The following AHCY variants were observed in gnomAD, a reference collection of about 807,000 sequenced individuals.
The protein encoded by AHCY is S-adenosyl-L-homocysteine hydrolase.
In AHCY, 24 loss-of-function variants were observed where a neutral mutation model predicts 45.4. The observed-to-expected ratio is 0.53, with a 90% confidence interval of 0.38 to 0.74. AHCY has a LOEUF of 0.74. AHCY is among the 30% of genes least tolerant of loss of function. AHCY has a pLI of 0.00. For missense variants in AHCY, 449 were observed against 594.1 expected, an observed-to-expected ratio of 0.76 and a Z score of 2.54; for synonymous variants, 245 against 235.1, an observed-to-expected ratio of 1.04 and a Z score of -0.39.
chr20:34,258,690 T>TATATATATATATATATACACAC, the AHCY span, among the ~76,000 whole-genome samples: 2 of 72,306 alleles, frequency 2.8e-5, no homozygotes, highest in African/African-American at 1.5e-4. Flanking sequence ...TATATATATA[T>TATATATATATATATATACACAC]ACATACTATA....
chr20:34,275,201 C>T, the AHCY span, among the ~76,000 whole-genome samples: 7 of 150,754 alleles, frequency 4.6e-5, no homozygotes, highest in Non-Finnish European at 8.9e-5. Flanking sequence ...GGCTTGATCT[C>T]CGCTCACTGC....
At chr20:34,237,759 A>C in the AHCY span, among the ~76,000 whole-genome samples, 7 of 152,086 alleles carry the variant, frequency 4.6e-5, no homozygotes, top group African/African-American at 1.7e-4. Flanking sequence ...TCATTCTTTC[A>C]TCATTGTGTA....
At chr20:34,247,673 AAC>A in the AHCY span, among the ~76,000 whole-genome samples, 17 of 151,730 alleles carry the variant, frequency 1.1e-4, no homozygotes, top group Non-Finnish European at 2.5e-4. Flanking sequence ...CAGTGGCACA[AAC>A]ACAGCTCACT....
At chr20:34,258,700 A>ATATATATATATACACACACACACATAC in the AHCY span, among the ~76,000 whole-genome samples, 1 of 77,922 alleles carries the variant, frequency 1.3e-5, no homozygotes, top group East Asian at 5.2e-4. Flanking sequence ...TACATACTAT[A>ATATATATATATACACACACACACATAC]TATATATATT....
chr20:34,241,926 T>G, the AHCY span, among the ~76,000 whole-genome samples: 12 of 152,346 alleles, frequency 7.9e-5, no homozygotes, highest in South Asian at 2.3e-3. Context: ...TCATTTCATA[T>G]TTATTAGAGA....
intron 1 of AHCY, 93 bp downstream of exon 1, chr20:34,303,150 A>C: frequency 6.5e-7 from 1 of 1,539,362 alleles, no homozygotes; most frequent in South Asian, 1.2e-5. Context: ...CAGGGGGTCC[A>C]GAGAGCCCCG....
upstream of AHCY, among the ~76,000 whole-genome samples, chr20:34,304,525 A>ATT (rs564670743): frequency 1.8e-4 from 25 of 142,148 alleles, no homozygotes; most frequent in Admixed American, 2.1e-4. Context: ...TTTCCCCTGA[A>ATT]TTTTTTTTTT....
At chr20:34,306,712 A>G (rs567346810), upstream of AHCY, among the ~76,000 whole-genome samples, 2 of 152,232 alleles carry the variant, frequency 1.3e-5, no homozygotes, top group Non-Finnish European at 2.9e-5. Context: ...TGGTACAGCC[A>G]TACCATGAAA....
intron 1 of AHCY, chr20:34,301,739 G>A (rs919069243): frequency 2.3e-6 from 2 of 855,568 alleles, no homozygotes; most frequent in Non-Finnish European, 2.8e-6. Context: ...CTCTACTATT[G>A]ATGTGACCTT....
chr20:34,280,647 G>A lies in AHCY; in HGVS notation c.*387C>T. On this transcript the variant is annotated 3_prime_UTR_variant, in exon 10 of 10. Transcript: ENST00000217426. ...ATCTGTCATGGGCTGAAGAACCACT[G>A]GACCTGTAAACCAAGCACACAGGTA... 9.4e-6 allele frequency: 3 copies of A among 320,438 alleles called. No homozygotes were observed. Among genetic ancestry groups the A allele is most frequent in the South Asian group, 8.8e-5 (3 of 34,204 alleles). 19.8% of individuals were successfully genotyped at this position (320,438 alleles called of 1,614,324 possible). A position where few individuals can be genotyped will look rare whatever the true frequency, so the allele number is the denominator to read the frequency against.
the AHCY span, chr20:34,268,863 GGCGGT>G: frequency 8.5e-7 from 1 of 1,179,490 alleles, no homozygotes; most frequent in Non-Finnish European, 1.2e-6. Context: ...GCGGGCGGTG[GGCGGT>G]GGGCAAGCCA....
chr20:34,265,071 C>T, the AHCY span, among the ~76,000 whole-genome samples: 1 of 151,996 alleles, frequency 6.6e-6, no homozygotes, highest in African/African-American at 2.4e-5. Context: ...CTGGGATTAC[C>T]TGCATTAGCC....
chr20:34,292,461 A>G lies in AHCY; in HGVS notation c.342T>C (p.Ile114=), dbSNP rs1490138765. The G allele has an allele frequency of 6.2e-7, 1 of 1,614,140 alleles. No individual in the cohort carries two copies. Residue 114 remains isoleucine, a synonymous_variant, in exon 4 of 10, where the codon ATT becomes ATC. Transcript: ENST00000217426. ...GETDEEYLWC[I]EQTLYFKDGP... ...CGTCCTTGAAGTACAGGGTCTGCTCAATGCACCACAGGTACTCCTCGTCCG... is the reference window on the plus strand; with the variant it reads ...CGTCCTTGAAGTACAGGGTCTGCTCGATGCACCACAGGTACTCCTCGTCCG...
At chr20:34,256,948 G>A in the AHCY span, among the ~76,000 whole-genome samples, 5 of 151,954 alleles carry the variant, frequency 3.3e-5, no homozygotes, top group Admixed American at 6.6e-5. Context: ...TCCCTGCTAA[G>A]AGCCTTTTGT....
chr20:34,281,109 C>T lies in AHCY; in HGVS notation c.1224G>A (p.Lys408=), dbSNP rs1256989936. 1.9e-6 allele frequency: 3 copies of T among 1,614,010 alleles called. No individual in the cohort carries two copies. The highest frequency in any genetic ancestry group is 2.5e-6 in the Non-Finnish European group (3 of 1,180,056). Residue 408 remains lysine (K), a synonymous_variant, in exon 10 of 10, where the codon AAG becomes AAA. Coordinates refer to ENST00000217426, the MANE Select transcript of AHCY (RefSeq NM_000687.4). ...HLGKLNVKLT[K]LTEKQAQYLG... is the part of the protein sequence containing the mutation. ...GGTACTGGGCTTGCTTCTCAGTTAG[C>T]TTGGTCAACTTCACATTCAGCTTGC...
chr20:34,253,616 C>T, the AHCY span, among the ~76,000 whole-genome samples: 1 of 152,042 alleles, frequency 6.6e-6, no homozygotes, highest in Non-Finnish European at 1.5e-5. Context: ...GGATTATAGG[C>T]ATGCACCACC....
At position 34,290,274 on chromosome 20, in the gene AHCY, C is replaced by G; in HGVS notation, c.972+58G>C. 1 of 1,535,090 alleles carries G rather than the reference C, an allele frequency of 6.5e-7. No individual in the cohort carries two copies. Among genetic ancestry groups the G allele is most frequent in the Non-Finnish European group, 9.0e-7 (1 of 1,112,330 alleles). ...TCTCCTCAGCTCTCCTCCCTGGCAGCCAGCACTCCTCTGCACTCCCATCTG... is the reference window on the plus strand; with the variant it reads ...TCTCCTCAGCTCTCCTCCCTGGCAGGCAGCACTCCTCTGCACTCCCATCTG... On this transcript the variant is annotated intron_variant, in intron 8 of 9. Transcript: ENST00000217426. This position sits in a 1 kb window ranked among gnomAD's most constrained non-coding sequence, Gnocchi z 4.5.
At chr20:34,250,175 T>C in the AHCY span, 21 of 152,364 alleles carry the variant, frequency 1.4e-4, no homozygotes, top group African/African-American at 4.6e-4. Context: ...CTGAGCCCAG[T>C]CACCTCCCCT....
chr20:34,255,935 C>G, the AHCY span, among the ~76,000 whole-genome samples: 1 of 152,168 alleles, frequency 6.6e-6, no homozygotes, highest in Non-Finnish European at 1.5e-5. Flanking sequence ...GCTCCACCAC[C>G]TCTTGTGGAA....
Sources: gnomAD v4.1 joint callset for allele counts (sites outside exome capture counted in the v4.1 genomes callset) on GRCh38, gnomAD v4.1.1 for gene constraint, Gnocchi (gnomAD v3.1) non-coding constraint, MANE v1.5 for transcripts, NCBI Gene and HGNC (gene_info 2026-07-23, HGNC 2026-07-21) for gene names.